The following SYNDIG1 variants were observed in gnomAD, a reference collection of about 807,000 sequenced individuals.
SYNDIG1 encodes synapse differentiation inducing 1.
In SYNDIG1, 9 loss-of-function variants were observed where a neutral mutation model predicts 19.4. The observed-to-expected ratio is 0.46, with a 90% CI of 0.28 to 0.81. SYNDIG1 has a LOEUF of 0.81. Among genes scored for constraint, SYNDIG1 ranks in the 30% least tolerant of loss-of-function variants. SYNDIG1 has a pLI of 0.12. For synonymous variants in SYNDIG1, 141 were observed against 145.9 expected (o/e 0.97, Z 0.24); for missense variants, 311 against 343.3 (o/e 0.91, Z 0.74).
intron 2 of SYNDIG1, among the ~76,000 whole-genome samples, chr20:24,571,680 AAAGG>A: frequency 6.6e-6 from 1 of 152,344 alleles, no homozygotes; most frequent in Non-Finnish European, 1.5e-5. Flanking sequence ...GTGAAGAAAA[AAAGG>A]AAGTTAGTGA....
chr20:24,601,519 G>C (rs556646119), intron 3 of SYNDIG1, among the ~76,000 whole-genome samples: 1 of 151,868 alleles, frequency 6.6e-6, no homozygotes, highest in African/African-American at 2.4e-5. Context: ...TTCTCATATC[G>C]GTTATGGCAA....
chr20:24,560,887 A>T (rs1349347212), intron 2 of SYNDIG1, among the ~76,000 whole-genome samples: 1 of 151,202 alleles, frequency 6.6e-6, no homozygotes, highest in East Asian at 1.9e-4. Context: ...AAAAAAAAAA[A>T]GTGTTGTTTT....
At chr20:24,640,177 C>G (rs1250233042) in intron 3 of SYNDIG1, among the ~76,000 whole-genome samples, 1 of 151,838 alleles carries the variant, frequency 6.6e-6, no homozygotes, top group Non-Finnish European at 1.5e-5. Context: ...CTACAAAAAA[C>G]ACAAAAAATA....
intron 1 of SYNDIG1, among the ~76,000 whole-genome samples, chr20:24,483,885 C>T (rs1326932626): frequency 1.3e-5 from 2 of 152,094 alleles, no homozygotes; most frequent in Admixed American, 6.6e-5. Flanking sequence ...GGCAGGCCAG[C>T]GGGGATGCTG....
chr20:24,611,305 C>T (rs1362673677), intron 3 of SYNDIG1, among the ~76,000 whole-genome samples: 1 of 152,140 alleles, frequency 6.6e-6, no homozygotes, highest in African/African-American at 2.4e-5. Context: ...TTCCAGCTCA[C>T]GACCTTGTTT....
intron 2 of SYNDIG1, among the ~76,000 whole-genome samples, chr20:24,551,545 T>C (rs955650804): frequency 6.6e-6 from 1 of 151,098 alleles, no homozygotes; most frequent in South Asian, 2.1e-4. Flanking sequence ...AAATTTGTTC[T>C]TTTTTACCTA....
chr20:24,517,697 CATATATATGTGT>C (rs2056911526), intron 1 of SYNDIG1, among the ~76,000 whole-genome samples: 2 of 141,048 alleles, frequency 1.4e-5, no homozygotes, highest in African/African-American at 5.3e-5. Flanking sequence ...TATATATACA[CATATATATGTGT>C]ATATATATGT....
intron 1 of SYNDIG1, among the ~76,000 whole-genome samples, chr20:24,499,640 GT>G (rs1343721211): frequency 6.6e-6 from 1 of 152,176 alleles, no homozygotes; most frequent in East Asian, 1.9e-4. Flanking sequence ...GACTGAGTCG[GT>G]CGGTACCTGT....
intron 2 of SYNDIG1, among the ~76,000 whole-genome samples, chr20:24,560,021 TTC>T (rs2057905929): frequency 7.5e-6 from 1 of 133,228 alleles, no homozygotes; most frequent in Non-Finnish European, 1.6e-5. Context: ...TGGCCATTAT[TTC>T]TTTGACTTTT....
chr20:24,648,730 G>C (rs1448495645), intron 3 of SYNDIG1, among the ~76,000 whole-genome samples: 1 of 152,332 alleles, frequency 6.6e-6, no homozygotes, highest in East Asian at 1.9e-4. Flanking sequence ...CCAAGTGTTA[G>C]AAACGAGTGC....
chr20:24,577,865 A>G (rs1408496410), intron 2 of SYNDIG1, among the ~76,000 whole-genome samples: 1 of 152,212 alleles, frequency 6.6e-6, no homozygotes, highest in Non-Finnish European at 1.5e-5. Context: ...TCAGAGGGTG[A>G]AGAGAGGATC....
At chr20:24,612,529 C>T (rs2058865840) in intron 3 of SYNDIG1, among the ~76,000 whole-genome samples, 1 of 152,216 alleles carries the variant, frequency 6.6e-6, no homozygotes, top group African/African-American at 2.4e-5. Context: ...GATCTTGGCA[C>T]AACCTTTCAT....
intron 3 of SYNDIG1, among the ~76,000 whole-genome samples, chr20:24,587,691 G>A (rs1262461823): frequency 6.6e-6 from 1 of 152,222 alleles, no homozygotes; most frequent in Admixed American, 6.5e-5. Flanking sequence ...GGGGAAGCCC[G>A]GAGCCCTCTC....
chr20:24,620,391 C>T (rs545464018), intron 3 of SYNDIG1, among the ~76,000 whole-genome samples: 75 of 152,296 alleles, frequency 4.9e-4, no homozygotes, highest in Non-Finnish European at 9.3e-4. Flanking sequence ...GGTGTCTTTA[C>T]TCCCACATTT....
At chr20:24,572,826 G>C (rs2058166586) in intron 2 of SYNDIG1, among the ~76,000 whole-genome samples, 1 of 152,208 alleles carries the variant, frequency 6.6e-6, no homozygotes, top group African/African-American at 2.4e-5. Flanking sequence ...TGCAGTGGTT[G>C]CCAGGGGTTA....
chr20:24,590,561 T>A (rs1452246433), intron 3 of SYNDIG1, among the ~76,000 whole-genome samples: 2 of 152,028 alleles, frequency 1.3e-5, no homozygotes, highest in African/African-American at 4.8e-5. Flanking sequence ...GGCTGGGAAT[T>A]TCATAAGCAG....
At position 24,475,996 on chromosome 20, in the gene SYNDIG1, G is replaced by A. The variant is rs145398168; in HGVS notation, c.-79+6243G>A. Among the ~76,000 whole-genome samples, 1,242 of 152,092 alleles carry A rather than the reference G, an allele frequency of 8.2e-3. 17 individuals are homozygous for A. The highest frequency in any genetic ancestry group is 0.029 in the African/African-American group (1,206 of 41,472). ...CCACCTCAACCTCCCAAGTAGCTGG[G>A]ACTACAGGCGCACTCCACCATGCCC... On this transcript the variant is annotated intron_variant, in intron 1 of 3. Transcript: ENST00000376862.
chr20:24,522,662 C>G (rs940781631), intron 1 of SYNDIG1, among the ~76,000 whole-genome samples: 2 of 152,012 alleles, frequency 1.3e-5, no homozygotes, highest in African/African-American at 4.8e-5. Flanking sequence ...TGTATTAGTC[C>G]GTTTTGTGTT....
chr20:24,506,743 T>C (rs1600468704), intron 1 of SYNDIG1, among the ~76,000 whole-genome samples: 1 of 152,080 alleles, frequency 6.6e-6, no homozygotes, highest in South Asian at 2.1e-4. Context: ...GGGCAGTGGC[T>C]CCTCCAGGAC....
Sources: gnomAD v4.1 joint callset for allele counts (sites outside exome capture counted in the v4.1 genomes callset) on GRCh38, gnomAD v4.1.1 for gene constraint, MANE v1.5 for transcripts, NCBI Gene and HGNC (gene_info 2026-07-23, HGNC 2026-07-21) for gene names.